The following DYNLRB1 variants were observed in gnomAD, a reference collection of about 807,000 sequenced individuals.
DYNLRB1 encodes the protein ROBL/LC7-like 1.
A neutral mutation model predicts 13.5 loss-of-function variants in DYNLRB1; 6 were observed. The observed-to-expected ratio is 0.44, with a 90% CI of 0.24 to 0.88. The LOEUF (loss-of-function observed/expected upper bound fraction) is 0.88. Ranked by LOEUF, DYNLRB1 falls within the 40% of genes least tolerant of loss-of-function variation. The probability of loss-of-function intolerance (pLI) is 0.21; values close to 1 mark genes in which losing one functional copy is unlikely to be tolerated. For missense variants in DYNLRB1, 93 were observed against 127.2 expected, an observed-to-expected ratio of 0.73 and a Z score of 1.29; for synonymous variants, 43 against 45.0, an observed-to-expected ratio of 0.96 and a Z score of 0.18.
intron 1 of DYNLRB1, among the ~76,000 whole-genome samples, chr20:34,525,089 CAG>C (rs1276965991): frequency 3.3e-5 from 5 of 152,176 alleles, no homozygotes; most frequent in African/African-American, 1.2e-4. Context: ...TATTCTGTCA[CAG>C]GGGAGTGGGT....
intron 2 of DYNLRB1, among the ~76,000 whole-genome samples, chr20:34,531,678 A>G (rs1471936624): frequency 6.6e-6 from 1 of 152,200 alleles, no homozygotes; most frequent in Non-Finnish European, 1.5e-5. Context: ...CTGTCTCTCT[A>G]GGGACACTAG....
chr20:34,533,431 G>A, intron 2 of DYNLRB1: 5 of 976,562 alleles, frequency 5.1e-6, no homozygotes, highest in Non-Finnish European at 6.1e-6. Flanking sequence ...CATGTGGACA[G>A]TGTGTTTATA....
chr20:34,533,750 C>T (rs1209579168), intron 2 of DYNLRB1: 2 of 153,400 alleles, frequency 1.3e-5, no homozygotes, highest in East Asian at 1.9e-4. Flanking sequence ...ACCTGGGAGG[C>T]GGAGGTTGCA....
intron 1 of DYNLRB1, among the ~76,000 whole-genome samples, chr20:34,524,166 A>G (rs1417107348): frequency 6.6e-6 from 1 of 152,244 alleles, no homozygotes; most frequent in African/African-American, 2.4e-5. Flanking sequence ...TGTTTTGAAA[A>G]AAAGAAAATA....
At chr20:34,527,900 T>C (rs1357871767) in intron 2 of DYNLRB1, among the ~76,000 whole-genome samples, 1 of 152,072 alleles carries the variant, frequency 6.6e-6, no homozygotes, top group Non-Finnish European at 1.5e-5. Context: ...GGAGTAGAGG[T>C]AGAGGCTGGG....
intron 3 of DYNLRB1, 185 bp downstream of exon 3, chr20:34,534,980 AG>A: frequency 6.9e-7 from 1 of 1,448,478 alleles, no homozygotes; most frequent in Non-Finnish European, 9.1e-7. Flanking sequence ...AGATCCTCCC[AG>A]GGACCGGCCC....
intron 2 of DYNLRB1, chr20:34,533,724 C>A (rs1980893515): frequency 6.4e-6 from 1 of 157,260 alleles, no homozygotes; most frequent in African/African-American, 2.4e-5. Context: ...GAGGCTGAGG[C>A]AGGAGAATCA....
chr20:34,523,712 T>G (rs1465048561), intron 1 of DYNLRB1, among the ~76,000 whole-genome samples: 2 of 152,232 alleles, frequency 1.3e-5, no homozygotes, highest in Non-Finnish European at 2.9e-5. Context: ...AGCTGACATT[T>G]ATGTTTTACT....
chr20:34,536,260 G>A (rs1015420702), intron 3 of DYNLRB1: 16 of 985,400 alleles, frequency 1.6e-5, no homozygotes, highest in Non-Finnish European at 1.9e-5. Context: ...TGGGCAAGTC[G>A]CAGAACACCT....
intron 2 of DYNLRB1, chr20:34,526,671 G>T: frequency 3.1e-6 from 1 of 322,106 alleles, no homozygotes; most frequent in Non-Finnish European, 5.8e-6. Flanking sequence ...TCACACTTCA[G>T]TCTTCCATGC....
At chr20:34,539,035 A>G (rs576652054) in intron 3 of DYNLRB1, among the ~76,000 whole-genome samples, 8 of 152,238 alleles carry the variant, frequency 5.3e-5, no homozygotes, top group East Asian at 1.9e-4. Flanking sequence ...GCCTTGATCA[A>G]TGTTTGCAGT....
intron 3 of DYNLRB1, among the ~76,000 whole-genome samples, chr20:34,536,985 A>G (rs906225413): frequency 6.6e-6 from 1 of 152,106 alleles, no homozygotes; most frequent in African/African-American, 2.4e-5. Flanking sequence ...TCAGGTCTCA[A>G]CTTGGCAGCG....
At chr20:34,530,441 G>A in intron 2 of DYNLRB1, 2 of 260,014 alleles carry the variant, frequency 7.7e-6, no homozygotes, top group Non-Finnish European at 1.2e-5. Context: ...GAAGCTTTTA[G>A]AATAGTGCCT....
chr20:34,516,330 GC>G, upstream of DYNLRB1: 1 of 1,403,406 alleles, frequency 7.1e-7, no homozygotes, highest in Non-Finnish European at 9.5e-7. Context: ...CGGCTCGCCC[GC>G]CCCCGCCTCA....
intron 2 of DYNLRB1, among the ~76,000 whole-genome samples, chr20:34,529,499 C>T (rs949063253): frequency 2.0e-5 from 3 of 152,076 alleles, no homozygotes; most frequent in East Asian, 1.9e-4. Flanking sequence ...GAGGCCGAGG[C>T]GGGCGTATCA....
At chr20:34,527,680 G>T (rs112796556) in intron 2 of DYNLRB1, among the ~76,000 whole-genome samples, 1 of 152,182 alleles carries the variant, frequency 6.6e-6, no homozygotes, top group Non-Finnish European at 1.5e-5. Context: ...GTGTGTTTAC[G>T]AAGCACCCCA....
intron 3 of DYNLRB1, among the ~76,000 whole-genome samples, chr20:34,540,333 A>G (rs1981480535): frequency 6.6e-6 from 1 of 152,196 alleles, no homozygotes; most frequent in Non-Finnish European, 1.5e-5. Context: ...GGAGGATTAG[A>G]AGAGACGACA....
intron 2 of DYNLRB1, among the ~76,000 whole-genome samples, chr20:34,529,365 G>T (rs199812797): frequency 6.6e-6 from 1 of 152,212 alleles, no homozygotes; most frequent in Non-Finnish European, 1.5e-5. Context: ...AGAGTTCTCA[G>T]CAATTCCTAC....
intron 1 of DYNLRB1, chr20:34,516,860 C>T (rs966583597): frequency 1.3e-6 from 2 of 1,536,128 alleles, no homozygotes; most frequent in Non-Finnish European, 1.8e-6. Context: ...TCCTCCGCCT[C>T]CTCCCAGCTC....
Sources: allele counts gnomAD v4.1 joint callset (sites outside exome capture counted in the v4.1 genomes callset), GRCh38; gene constraint gnomAD v4.1.1; transcripts MANE v1.5; gene names NCBI Gene and HGNC (gene_info 2026-07-23, HGNC 2026-07-21).